Variants in SLC35E1 observed in about 807,000 individuals in gnomAD.
SLC35E1 encodes the protein solute carrier family 35 member E1, also known as solute carrier family 35, member E1.
A neutral mutation model predicts 31.0 loss-of-function variants in SLC35E1; 12 were observed. The observed-to-expected ratio is 0.39, with a 90% CI of 0.25 to 0.63. The LOEUF is 0.63. Ranked by LOEUF, SLC35E1 falls within the 20% of genes least tolerant of loss-of-function variation. The pLI is 0.52. For missense variants in SLC35E1, 429 were observed against 572.2 expected, an observed-to-expected ratio of 0.75 and a Z score of 2.55; for synonymous variants, 257 against 264.1, an observed-to-expected ratio of 0.97 and a Z score of 0.26.
rs747692706 is a variant in SLC35E1, at chr19:16,555,111, G to A, written c.1002+41C>T. ...CCTTTTCTGACTTCCTGGGTGTTGG[G>A]GGGCCGGCTTCCTTCCCTGCCCAGC... On this transcript the variant is annotated intron_variant, in intron 5 of 5. Transcript: ENST00000595753. This position sits in a 1 kb window ranked among gnomAD's most constrained non-coding sequence, Gnocchi z 4.1. The A allele has an allele frequency of 3.1e-6, 5 of 1,611,238 alleles. No homozygotes were observed. The highest frequency in any genetic ancestry group is 2.7e-5 in the African/African-American group (2 of 74,810).
rs946440031 is a variant in SLC35E1 at position 16,569,028 on chromosome 19, C to CT, written c.493-860dup. 6.3e-3 allele frequency among the ~76,000 whole-genome samples: 892 copies of CT among 142,576 alleles called. 4 individuals are homozygous for CT. Among genetic ancestry groups the CT allele is most frequent in the African/African-American group, 0.015 (589 of 39,150 alleles). 93.5% of individuals were successfully genotyped at this position (142,576 alleles called of 152,430 possible). A position where few individuals can be genotyped will look rare whatever the true frequency, so the allele number is the denominator to read the frequency against. On this transcript the variant is annotated intron_variant, in intron 2 of 5. Coordinates refer to ENST00000595753, the MANE Select transcript of SLC35E1 (RefSeq NM_024881.5). Reference sequence around the variant, plus strand: ...CCCAGCAGAGAGCTCTCCACTCACTCTTTTTTTTTTTTTTTGAGACGGAGT... The same window carrying CT: ...CCCAGCAGAGAGCTCTCCACTCACTCTTTTTTTTTTTTTTTTGAGACGGAGT...
chr19:16,554,745 G>A (rs1433795903), intron 5 of SLC35E1, among the ~76,000 whole-genome samples: 3 of 151,144 alleles, frequency 2.0e-5, no homozygotes, highest in Non-Finnish European at 2.9e-5. Context: ...TTGACCCCGG[G>A]AGGCGGAGGT....
At chr19:16,569,474 C>G (rs780291733) in intron 2 of SLC35E1, among the ~76,000 whole-genome samples, 3 of 152,196 alleles carry the variant, frequency 2.0e-5, no homozygotes, top group Non-Finnish European at 2.9e-5. Context: ...TGACAGAGAG[C>G]CTTCTAGAAG....
intron 4 of SLC35E1, chr19:16,557,132 T>A: frequency 2.8e-6 from 1 of 351,834 alleles, no homozygotes; most frequent in African/African-American, 2.2e-5. Flanking sequence ...CCAATCTGGT[T>A]TAAAACAAAA....
chr19:16,555,312 C>T lies in SLC35E1; in HGVS notation c.842G>A (p.Ser281Asn). Residue 281 changes from serine (S) to asparagine (N), a missense_variant, in exon 5 of 6, where the codon AGC (serine) becomes AAC (asparagine). Coordinates refer to ENST00000595753, the MANE Select transcript of SLC35E1 (RefSeq NM_024881.5). The surrounding 1 kb of genome is among the most constrained non-coding windows in gnomAD (Gnocchi z 4.1). Reference protein sequence around the residue: ...CNFAQNVIAFSILNLVSPLSY... With the variant: ...CNFAQNVIAFNILNLVSPLSY... Reference sequence around the variant, plus strand: ...CAGGGGGCTAACGAGGTTGAGGATGCTGAAGGCGATAACATTCTGGGCAAA... The same window carrying T: ...CAGGGGGCTAACGAGGTTGAGGATGTTGAAGGCGATAACATTCTGGGCAAA... 1 of 1,614,144 alleles carries T rather than the reference C, an allele frequency of 6.2e-7. No homozygotes were observed. The highest frequency in any genetic ancestry group is 8.5e-7 in the Non-Finnish European group (1 of 1,180,034).
chr19:16,555,497 C>T lies in SLC35E1; in HGVS notation c.757-100G>A. 1.3e-6 allele frequency: 2 copies of T among 1,490,940 alleles called. No homozygotes were observed. Among genetic ancestry groups the T allele is most frequent in the South Asian group, 1.3e-5 (1 of 76,444 alleles). The allele number at this position is 1,490,940 out of a possible 1,614,324, so 92.4% of individuals were successfully genotyped here. On this transcript the variant is annotated intron_variant, in intron 4 of 5. Coordinates refer to ENST00000595753, the MANE Select transcript of SLC35E1 (RefSeq NM_024881.5). The surrounding 1 kb of genome is among the most constrained non-coding windows in gnomAD (Gnocchi z 4.1). ...GGTTAGGGGAAGGGATGTGGAGGGG[C>T]TCATCTGGAGCCTCATGGTCCACAG...
intron 4 of SLC35E1, chr19:16,565,203 T>TTTTC (rs575210349): frequency 7.1e-6 from 3 of 422,372 alleles, no homozygotes; most frequent in South Asian, 1.7e-5. Context: ...AGCTGCACAG[T>TTTTC]TTTCTTTCTT....
chr19:16,557,726 T>C lies in SLC35E1; in HGVS notation c.757-2329A>G, dbSNP rs796756250. On this transcript the variant is annotated intron_variant, in intron 4 of 5. Coordinates refer to ENST00000595753, the MANE Select transcript of SLC35E1 (RefSeq NM_024881.5). Reference sequence around the variant, plus strand: ...TTCACTCAGTGTGGCAACTCTGCCATTCATCCATGTTGTGAGGGACAAGAG... The same window carrying C: ...TTCACTCAGTGTGGCAACTCTGCCACTCATCCATGTTGTGAGGGACAAGAG... 8.5e-5 allele frequency among the ~76,000 whole-genome samples: 13 copies of C among 152,368 alleles called. 1 individual carries two copies. Among genetic ancestry groups the C allele is most frequent in the African/African-American group, 2.6e-4 (11 of 41,590 alleles).
At chr19:16,561,237 A>G (rs2085904693) in intron 4 of SLC35E1, among the ~76,000 whole-genome samples, 2 of 145,116 alleles carry the variant, frequency 1.4e-5, no homozygotes, top group Non-Finnish European at 3.0e-5. Flanking sequence ...AAAAAAAAAA[A>G]AAAAAAGAAA....
rs1326880446 is a variant in SLC35E1, at chr19:16,566,517, T to C, written c.756+15A>G. ...AGCCAAGAAAATGGCGTGTTCTTGG[T>C]GCTGTACAACTCACCAAGTCGCTGC... is the stretch of plus-strand genomic sequence containing the variant. On this transcript the variant is annotated intron_variant, in intron 4 of 5. Transcript: ENST00000595753. 6.2e-7 allele frequency: 1 copy of C among 1,612,532 alleles called. No homozygotes were observed. The highest frequency in any genetic ancestry group is 1.3e-5 in the African/African-American group (1 of 74,946).
chr19:16,565,376 A>G (rs563931093), intron 4 of SLC35E1: 1 of 312,588 alleles, frequency 3.2e-6, no homozygotes, highest in African/African-American at 2.2e-5. Flanking sequence ...ACGCCTGGCT[A>G]ATTTTGTATT....
intron 4 of SLC35E1, chr19:16,557,127 C>T: frequency 5.6e-6 from 2 of 355,994 alleles, no homozygotes; most frequent in South Asian, 4.2e-5. Flanking sequence ...CCCAACCAAT[C>T]TGGTTTAAAA....
chr19:16,561,213 C>CAAAAAAAAAAAAAAAAAAAAAAA (rs59176175), intron 4 of SLC35E1, among the ~76,000 whole-genome samples: 29 of 24,754 alleles, frequency 1.2e-3, no homozygotes, highest in African/African-American at 1.4e-3. Flanking sequence ...GACTCCATCT[C>CAAAAAAAAAAAAAAAAAAAAAAA]AAAAAAAAAA....
At chr19:16,558,800 C>T (rs1308765437) in intron 4 of SLC35E1, among the ~76,000 whole-genome samples, 6 of 144,320 alleles carry the variant, frequency 4.2e-5, no homozygotes, top group East Asian at 4.2e-4. Flanking sequence ...GATGGACTCT[C>T]GCTCTGTCGC....
At position 16,553,513 on chromosome 19, in the gene SLC35E1, C is replaced by T. The variant is rs1239302660; in HGVS notation, c.*166G>A. On this transcript the variant is annotated 3_prime_UTR_variant, in exon 6 of 6. Transcript: ENST00000595753. Reference sequence around the variant, plus strand: ...ACGGCCGTCTGCACTGCAGGCAACGCATCCTCCTGCGGCTCACGGGGGGCC... The same window carrying T: ...ACGGCCGTCTGCACTGCAGGCAACGTATCCTCCTGCGGCTCACGGGGGGCC... 6 of 534,436 alleles carry T rather than the reference C, an allele frequency of 1.1e-5. No individual in the cohort carries two copies. Among genetic ancestry groups the T allele is most frequent in the South Asian group, 5.7e-5 (1 of 17,436 alleles). 33.1% of individuals were successfully genotyped at this position (534,436 alleles called of 1,614,324 possible).
chr19:16,558,488 C>T (rs1023471528), intron 4 of SLC35E1, among the ~76,000 whole-genome samples: 1 of 151,790 alleles, frequency 6.6e-6, no homozygotes, highest in Non-Finnish European at 1.5e-5. Flanking sequence ...AGGTGTGCCG[C>T]ACCACACCTG....
intron 1 of SLC35E1, 47 bp from the exon 2 acceptor site, chr19:16,571,629 G>GC: frequency 6.3e-7 from 1 of 1,597,946 alleles, no homozygotes; most frequent in Non-Finnish European, 8.6e-7. Flanking sequence ...GAATTTCAGG[G>GC]CCCAACCTGT....
In SLC35E1 at chr19:16,555,206, G is replaced by C. The variant is rs762230581; in HGVS notation, c.948C>G (p.Ser316Arg). 14 of 1,614,050 alleles carry C rather than the reference G, an allele frequency of 8.7e-6. No homozygotes were observed. Among genetic ancestry groups the C allele is most frequent in the Non-Finnish European group, 9.3e-6 (11 of 1,180,032 alleles). Reference sequence around the variant, plus strand: ...CGGTCATCATGCCCAGGACGTTGGTGCTGGTGACTGGGTTGCGCAGCATGA... The same window carrying C: ...CGGTCATCATGCCCAGGACGTTGGTCCTGGTGACTGGGTTGCGCAGCATGA... ...SLIMLRNPVTSTNVLGMMTAI... is the reference protein window; with the variant it reads ...SLIMLRNPVTRTNVLGMMTAI... Residue 316 changes from serine (S) to arginine (R), a missense_variant, in exon 5 of 6, where the codon AGC becomes AGG. By Grantham distance (110) the Ser-to-Arg change is moderately radical (BLOSUM62 -1). Coordinates refer to ENST00000595753, the MANE Select transcript of SLC35E1 (RefSeq NM_024881.5). The surrounding 1 kb of genome is among the most constrained non-coding windows in gnomAD (Gnocchi z 4.1).
At chr19:16,560,732 C>T (rs868463162) in intron 4 of SLC35E1, among the ~76,000 whole-genome samples, 4 of 149,090 alleles carry the variant, frequency 2.7e-5, no homozygotes, top group South Asian at 4.3e-4. Context: ...AGTGGTGGTG[C>T]GCGCCTACAA....
Sources: gnomAD v4.1 joint callset for allele counts (sites outside exome capture counted in the v4.1 genomes callset) on GRCh38, gnomAD v4.1.1 for gene constraint, Gnocchi (gnomAD v3.1) non-coding constraint, MANE v1.5 for transcripts, NCBI Gene and HGNC (gene_info 2026-07-23, HGNC 2026-07-21) for gene names.